The following CCDC18 variants were observed in gnomAD, a reference collection of about 807,000 sequenced individuals.
The protein encoded by CCDC18 is coiled-coil domain containing 18.
Under a neutral mutation model 196.0 loss-of-function variants are expected in CCDC18, and 157 were observed. The observed-to-expected ratio is 0.80, with a 90% CI of 0.70 to 0.91. CCDC18 has a LOEUF of 0.91. CCDC18 is among the 40% of genes least tolerant of loss of function. The pLI is 0.00. For missense variants in CCDC18, 1,465 were observed against 1,611.6 expected, an observed-to-expected ratio of 0.91 and a Z score of 1.56; for synonymous variants, 482 against 529.2, an observed-to-expected ratio of 0.91 and a Z score of 1.22.
At chr1:93,180,623 C>T (rs1649399835), upstream of CCDC18, 2 of 1,339,596 alleles carry the variant, frequency 1.5e-6, no homozygotes, top group Admixed American at 4.8e-5. Context: ...CGCTCGCCGA[C>T]CACGATCCCC....
intron 23 of CCDC18, 81 bp downstream of exon 23, chr1:93,247,035 G>C: frequency 1.6e-6 from 1 of 638,880 alleles, no homozygotes; most frequent in South Asian, 1.8e-5. Context: ...TTCAAATAGT[G>C]GGTGTTTTTT....
At chr1:93,247,448 C>G (rs1661630854) in intron 23 of CCDC18, among the ~76,000 whole-genome samples, 1 of 151,614 alleles carries the variant, frequency 6.6e-6, no homozygotes, top group South Asian at 2.1e-4. Context: ...AAGATCTCAC[C>G]CTGTCATCTG....
chr1:93,191,535 A>G (rs1008381749), intron 4 of CCDC18, among the ~76,000 whole-genome samples: 1 of 152,108 alleles, frequency 6.6e-6, no homozygotes, highest in South Asian at 2.1e-4. Context: ...CCACCCTGCT[A>G]TAGTAGTTGT....
chr1:93,273,846 T>C (rs1445374967), intron 28 of CCDC18, among the ~76,000 whole-genome samples: 1 of 152,198 alleles, frequency 6.6e-6, no homozygotes, highest in Non-Finnish European at 1.5e-5. Context: ...TAGCCTTTAC[T>C]GTATGTCAAG....
chr1:93,253,149 A>G (rs1662489268), intron 23 of CCDC18, among the ~76,000 whole-genome samples: 1 of 152,216 alleles, frequency 6.6e-6, no homozygotes, highest in Admixed American at 6.5e-5. Context: ...GGGCACACAT[A>G]GCCCAGCAAG....
At chr1:93,199,619 A>T (rs1453945662) in intron 6 of CCDC18, 1 of 152,256 alleles carries the variant, frequency 6.6e-6, no homozygotes, top group Non-Finnish European at 1.5e-5. Flanking sequence ...GTGTTACAGC[A>T]TTTTAAGCCC....
rs1328227674 is a variant in CCDC18, at chr1:93,210,866, A to G, written c.1274A>G (p.Asn425Ser). 1.2e-6 allele frequency: 2 copies of G among 1,613,504 alleles called. No individual in the cohort carries two copies. The highest frequency in any genetic ancestry group is 1.7e-6 in the Non-Finnish European group (2 of 1,179,568). The part of the protein sequence containing the change: ...LSKYQMSSFS[N>S]KEDRCIGCCE... Reference sequence around the variant, plus strand: ...AAATACCAGATGAGTAGCTTCTCAAACAAGGAAGACCGTTGCATTGGCTGC... The same window carrying G: ...AAATACCAGATGAGTAGCTTCTCAAGCAAGGAAGACCGTTGCATTGGCTGC... The change falls in exon 10 of 29, where the codon AAC becomes AGC. Residue 425 changes from asparagine to serine, a missense_variant. Transcript: ENST00000690025.
intron 19 of CCDC18, among the ~76,000 whole-genome samples, chr1:93,236,663 T>C (rs185408859): frequency 4.5e-4 from 69 of 152,314 alleles, no homozygotes; most frequent in Admixed American, 7.8e-4. Flanking sequence ...ACTGGCACAG[T>C]TCCTTATACC....
Position 93,184,007 on chromosome 1 carries a change from C to T in CCDC18, c.164C>T (p.Ala55Val). The T allele has an allele frequency of 1.9e-6, 3 of 1,558,700 alleles. No individual in the cohort carries two copies. The highest frequency in any genetic ancestry group is 2.6e-6 in the Non-Finnish European group (3 of 1,147,198). The change falls in exon 3 of 29, where the codon GCC (alanine) becomes GTC (valine). Residue 55 changes from alanine to valine, a missense_variant. Physicochemically the swap from Ala to Val is moderately conservative, Grantham distance 64 (BLOSUM62 0). Coordinates refer to ENST00000690025, the MANE Select transcript of CCDC18 (RefSeq NM_001378204.1). ...SVSPSENSDY[A>V]PNPSRSEKLI... ...AGTCCAAGTGAAAATTCTGATTATG[C>T]CCCTAATCCTTCAAGGTCTGAAAAG...
At chr1:93,228,163 T>C (rs2102379980) in intron 17 of CCDC18, among the ~76,000 whole-genome samples, 1 of 151,906 alleles carries the variant, frequency 6.6e-6, no homozygotes, top group Non-Finnish European at 1.5e-5. Flanking sequence ...TCAGAGATTA[T>C]TATAAGCAGG....
chr1:93,273,813 C>CAG (rs1182017110), intron 28 of CCDC18, among the ~76,000 whole-genome samples: 1 of 152,174 alleles, frequency 6.6e-6, no homozygotes, highest in East Asian at 1.9e-4. Context: ...AGTACAGTGA[C>CAG]AGACTGTGAT....
intron 25 of CCDC18, among the ~76,000 whole-genome samples, chr1:93,258,414 T>C (rs1663322613): frequency 6.6e-6 from 1 of 152,092 alleles, no homozygotes; most frequent in Admixed American, 6.5e-5. Flanking sequence ...AGACAATATA[T>C]ATAGTGAGCA....
At position 93,254,485 on chromosome 1, in the gene CCDC18, T is replaced by A. The variant is rs779322295; in HGVS notation, c.3213T>A (p.Asn1071Lys). The A allele has an allele frequency of 1.3e-6, 2 of 1,582,948 alleles. No homozygotes were observed. The highest frequency in any genetic ancestry group is 1.7e-6 in the Non-Finnish European group (2 of 1,161,842). ...KECNKQIESL[N>K]DKLQNAKEQL... ...TTAAAATTCAGATAGAAAGTCTGAA[T>A]GACAAATTACAAAATGCTAAAGAAC... Residue 1071 changes from asparagine (N) to lysine (K), a missense_variant, in exon 24 of 29, where the codon AAT (asparagine) becomes AAA (lysine). Physicochemically the swap from Asn to Lys is moderately conservative, Grantham distance 94. Coordinates refer to ENST00000690025, the MANE Select transcript of CCDC18 (RefSeq NM_001378204.1).
At chr1:93,223,456 T>C (rs570740566) in intron 16 of CCDC18, among the ~76,000 whole-genome samples, 46 of 152,310 alleles carry the variant, frequency 3.0e-4, no homozygotes, top group African/African-American at 9.9e-4. Flanking sequence ...ATTACTACCT[T>C]CCTTTCATGA....
At position 93,224,037 on chromosome 1, in the gene CCDC18, T is replaced by A. The variant is rs575442132; in HGVS notation, c.2175+2101T>A. ...ATAAGAAATTCAATAGAGTAGCGGA[T>A]GTTTTGGGTTTTTAATTAGTTTTTT... On this transcript the variant is annotated intron_variant, in intron 16 of 28. Coordinates refer to ENST00000690025, the MANE Select transcript of CCDC18 (RefSeq NM_001378204.1). 1.4e-3 allele frequency among the ~76,000 whole-genome samples: 219 copies of A among 152,302 alleles called. 1 individual carries two copies. The Middle Eastern group carries it at 0.017, about 12-fold the overall frequency.
At chr1:93,248,353 A>G (rs575666967) in intron 23 of CCDC18, among the ~76,000 whole-genome samples, 6 of 152,194 alleles carry the variant, frequency 3.9e-5, no homozygotes, top group Non-Finnish European at 5.9e-5. Context: ...GAGAGCTTTT[A>G]TAATGTGAAG....
intron 28 of CCDC18, among the ~76,000 whole-genome samples, chr1:93,274,097 C>A (rs1390861695): frequency 5.9e-5 from 9 of 152,096 alleles, no homozygotes; most frequent in Admixed American, 5.9e-4. Flanking sequence ...AGTTGCTTAG[C>A]CAATTAAGGA....
chr1:93,275,512 C>T (rs747150076), intron 28 of CCDC18, among the ~76,000 whole-genome samples: 4 of 152,116 alleles, frequency 2.6e-5, no homozygotes, highest in Non-Finnish European at 5.9e-5. Flanking sequence ...GCATTGGTCT[C>T]CTATTTAAAA....
chr1:93,265,571 A>G (rs1317115676), intron 27 of CCDC18, among the ~76,000 whole-genome samples: 1 of 152,168 alleles, frequency 6.6e-6, no homozygotes, highest in South Asian at 2.1e-4. Flanking sequence ...TTCTGTGCCA[A>G]CTCTACAACT....
Sources: allele counts gnomAD v4.1 joint callset (sites outside exome capture counted in the v4.1 genomes callset), GRCh38; gene constraint gnomAD v4.1.1; transcripts MANE v1.5; gene names NCBI Gene and HGNC (gene_info 2026-07-23, HGNC 2026-07-21).